The following PCDHGB5 variants were observed in gnomAD, a reference collection of about 807,000 sequenced individuals.
PCDHGB5 encodes the protein protocadherin gamma subfamily B, 5, also known as protocadherin gamma-B5.
PCDHGB5 carries 48 observed loss-of-function variants against 62.9 expected under a neutral mutation model. That is an observed-to-expected ratio of 0.76 (90% CI 0.61 to 0.97). The LOEUF (loss-of-function observed/expected upper bound fraction) is 0.97, where lower values mean the gene tolerates loss of function less well. Ranked by LOEUF, PCDHGB5 falls within the 50% of genes least tolerant of loss-of-function variation. PCDHGB5 has a pLI of 0.00. For missense variants in PCDHGB5, 1,118 were observed against 1,198.6 expected, an observed-to-expected ratio of 0.93 and a Z score of 0.99; for synonymous variants, 474 against 511.2, an observed-to-expected ratio of 0.93 and a Z score of 0.98.
At chr5:141,488,834 G>A (rs976460724) in intron 1 of PCDHGB5, among the ~76,000 whole-genome samples, 1 of 152,160 alleles carries the variant, frequency 6.6e-6, no homozygotes, top group Admixed American at 6.5e-5. Context: ...GCTGCCAAGG[G>A]GGCTGAATCA....
At position 141,485,342 on chromosome 5, in the gene PCDHGB5, G is replaced by A; in HGVS notation, c.2398-9465G>A. On this transcript the variant is annotated intron_variant, in intron 1 of 3. Coordinates refer to ENST00000617380, the MANE Select transcript of PCDHGB5 (RefSeq NM_018925.3). The surrounding 1 kb of genome is among the most constrained non-coding windows in gnomAD (Gnocchi z 5.7). ...CGCTCAAGATTTCCTGCTGGATACG[G>A]ACAGTCTGTCAGCTCGCAGGCTGCA... 1 of 1,614,164 alleles carries A rather than the reference G, an allele frequency of 6.2e-7. No homozygotes were observed. The highest frequency in any genetic ancestry group is 8.5e-7 in the Non-Finnish European group (1 of 1,180,026).
intron 1 of PCDHGB5, chr5:141,418,673 G>A (rs2096279740): frequency 5.0e-6 from 8 of 1,614,026 alleles, no homozygotes; most frequent in Non-Finnish European, 6.8e-6. Context: ...CCAGGACGAG[G>A]GCATCAACTC....
chr5:141,491,542 G>T lies in PCDHGB5; in HGVS notation c.2398-3265G>T, dbSNP rs112433306. The T allele has an allele frequency of 6.2e-7, 1 of 1,613,898 alleles. No homozygotes were observed. Among genetic ancestry groups the T allele is most frequent in the Admixed American group, 1.7e-5 (1 of 60,006 alleles). On this transcript the variant is annotated intron_variant, in intron 1 of 3. Transcript: ENST00000617380. This position sits in a 1 kb window ranked among gnomAD's most constrained non-coding sequence, Gnocchi z 6.9. ...CATGGAGGTGACGCTGCGGCCCACA[G>T]ACTCGCAGAGCCACTGCTACAGGAC...
intron 1 of PCDHGB5, among the ~76,000 whole-genome samples, chr5:141,462,825 C>T (rs1040054698): frequency 4.6e-5 from 7 of 152,124 alleles, no homozygotes; most frequent in Admixed American, 3.9e-4. Context: ...GGACAGCAGA[C>T]ATTGTAAATG....
At position 141,498,794 on chromosome 5, in the gene PCDHGB5, G is replaced by A. The variant is rs184257963; in HGVS notation, c.2456+3929G>A. ...TAAAAATACAAAATATTAGCCAGGT[G>A]TGGTGGTGCACACCTGTAGTCCCAG... On this transcript the variant is annotated intron_variant, in intron 2 of 3. Transcript: ENST00000617380. Among the ~76,000 whole-genome samples the A allele has an allele frequency of 7.9e-5, 12 of 152,224 alleles. No individual in the cohort carries two copies. The East Asian group carries it at 2.3e-3, about 30-fold the overall frequency.
rs2099749948 is a variant in PCDHGB5 at position 141,493,762 on chromosome 5, C to T, written c.2398-1045C>T. Among the ~76,000 whole-genome samples the T allele has an allele frequency of 1.3e-5, 2 of 152,130 alleles. No homozygotes were observed. Among genetic ancestry groups the T allele is most frequent in the South Asian group, 4.1e-4 (2 of 4,830 alleles). Reference sequence around the variant, plus strand: ...TGCCACCTGTGAGCCTTGAGTGAGCCACTGGCAGTTCCGGAGCTTCCTTCT... The same window carrying T: ...TGCCACCTGTGAGCCTTGAGTGAGCTACTGGCAGTTCCGGAGCTTCCTTCT... On this transcript the variant is annotated intron_variant, in intron 1 of 3. Transcript: ENST00000617380. The surrounding 1 kb of genome is among the most constrained non-coding windows in gnomAD (Gnocchi z 4.3).
In PCDHGB5 at chr5:141,487,579, A is replaced by G. The variant is rs779441421; in HGVS notation, c.2398-7228A>G. 60 of 1,614,022 alleles carry G rather than the reference A, an allele frequency of 3.7e-5. No homozygotes were observed. The South Asian group carries it at 6.0e-4, about 16-fold the overall frequency. The stretch of plus-strand genomic sequence containing the variant: ...CTATGGCAGGGGAGCCTGTTCGCCC[A>G]AGCTGCCCACCCTCTGATCTTCTCT... On this transcript the variant is annotated intron_variant, in intron 1 of 3. Transcript: ENST00000617380. This position sits in a 1 kb window ranked among gnomAD's most constrained non-coding sequence, Gnocchi z 5.0.
At chr5:141,415,045 G>A (rs2095819214) in intron 1 of PCDHGB5, 23 of 1,613,538 alleles carry the variant, frequency 1.4e-5, no homozygotes, top group Non-Finnish European at 1.8e-5. Flanking sequence ...CTTCGCGGTG[G>A]GGGAGCACAC....
Position 141,489,653 on chromosome 5 carries a change from G to C in PCDHGB5, c.2398-5154G>C. ...TCTCCTAGCTTTGCCACCCCTGAGCGAGAGATGCGCATCTCAGAATCAGCA... is the reference window on the plus strand; with the variant it reads ...TCTCCTAGCTTTGCCACCCCTGAGCCAGAGATGCGCATCTCAGAATCAGCA... On this transcript the variant is annotated intron_variant, in intron 1 of 3. Coordinates refer to ENST00000617380, the MANE Select transcript of PCDHGB5 (RefSeq NM_018925.3). The surrounding 1 kb of genome is among the most constrained non-coding windows in gnomAD (Gnocchi z 4.5). 3 of 1,614,164 alleles carry C rather than the reference G, an allele frequency of 1.9e-6. No individual in the cohort carries two copies. The highest frequency in any genetic ancestry group is 2.5e-6 in the Non-Finnish European group (3 of 1,180,018).
rs774079222 is a variant in PCDHGB5 at position 141,491,314 on chromosome 5, C to T, written c.2398-3493C>T. On this transcript the variant is annotated intron_variant, in intron 1 of 3. Coordinates refer to ENST00000617380, the MANE Select transcript of PCDHGB5 (RefSeq NM_018925.3). This position sits in a 1 kb window ranked among gnomAD's most constrained non-coding sequence, Gnocchi z 6.9. ...CCCTCCTGAGCGTTCAGACCTTACC[C>T]TTTACCTCATTGTGGCTCTAGCGAC... The T allele has an allele frequency of 1.9e-6, 3 of 1,614,182 alleles. No individual in the cohort carries two copies. In the South Asian group the frequency reaches 3.3e-5, roughly 18 times the overall value.
intron 1 of PCDHGB5, chr5:141,409,621 A>G: frequency 6.2e-7 from 1 of 1,613,852 alleles, no homozygotes; most frequent in Non-Finnish European, 8.5e-7. Context: ...CCATTGCGCA[A>G]GTGAGCGCCT....
intron 1 of PCDHGB5, among the ~76,000 whole-genome samples, chr5:141,459,546 C>T (rs575349914): frequency 9.9e-5 from 15 of 152,102 alleles, no homozygotes; most frequent in African/African-American, 3.6e-4. Flanking sequence ...TTTTTTATTT[C>T]TCTTGGATAA....
At chr5:141,478,044 C>G in intron 1 of PCDHGB5, 1 of 1,614,184 alleles carries the variant, frequency 6.2e-7, no homozygotes. Flanking sequence ...CCCAGGCAGA[C>G]TCTCACGGTC....
chr5:141,505,252 C>T (rs2099844831), intron 2 of PCDHGB5, 141 bp from the exon 3 acceptor site: 1 of 1,454,140 alleles, frequency 6.9e-7, no homozygotes, highest in Non-Finnish European at 9.2e-7. Context: ...TGTAGAAGTG[C>T]CTCCTACCTT....
At chr5:141,403,054 A>C in intron 1 of PCDHGB5, 1 of 1,614,062 alleles carries the variant, frequency 6.2e-7, no homozygotes, top group Middle Eastern at 1.6e-4. Flanking sequence ...TTCGCTACTC[A>C]GTGCCTGAAG....
chr5:141,426,794 G>C (rs1319220934), intron 1 of PCDHGB5: 1 of 456,708 alleles, frequency 2.2e-6, no homozygotes, highest in East Asian at 6.9e-5. Flanking sequence ...AGAGTTACCA[G>C]CTCAGTTCTA....
In PCDHGB5 at chr5:141,503,070, G is replaced by A. The variant is rs868143537; in HGVS notation, c.2457-2323G>A. 1.5e-4 allele frequency among the ~76,000 whole-genome samples: 23 copies of A among 151,614 alleles called. No individual in the cohort carries two copies. The Middle Eastern group carries it at 0.01, about 68-fold the overall frequency. On this transcript the variant is annotated intron_variant, in intron 2 of 3. Coordinates refer to ENST00000617380, the MANE Select transcript of PCDHGB5 (RefSeq NM_018925.3). ...GGGTTTCACCATGTTGGTCAGAATGGTCTCGATCTCCTGACCTCGTGGTCT... is the reference window on the plus strand; with the variant it reads ...GGGTTTCACCATGTTGGTCAGAATGATCTCGATCTCCTGACCTCGTGGTCT...
intron 1 of PCDHGB5, chr5:141,414,091 A>C (rs774168035): frequency 7.5e-6 from 12 of 1,594,412 alleles, no homozygotes; most frequent in African/African-American, 1.3e-5. Flanking sequence ...TGGAGAAATA[A>C]AAATATCAGA....
chr5:141,503,598 CAAAA>C (rs765754054), intron 2 of PCDHGB5, among the ~76,000 whole-genome samples: 2 of 65,756 alleles, frequency 3.0e-5, no homozygotes. Flanking sequence ...GACTCCAGCT[CAAAA>C]AAAAAAAAAA....
Sources: gnomAD v4.1 joint callset for allele counts (sites outside exome capture counted in the v4.1 genomes callset) on GRCh38, gnomAD v4.1.1 for gene constraint, Gnocchi (gnomAD v3.1) non-coding constraint, MANE v1.5 for transcripts, NCBI Gene and HGNC (gene_info 2026-07-23, HGNC 2026-07-21) for gene names.